GRIK2: variants seen among roughly 807,000 people sequenced by gnomAD.
The protein encoded by GRIK2 is glutamate receptor ionotropic, kainate 2.
GRIK2 carries 32 observed loss-of-function variants against 100.3 expected under a neutral mutation model. The observed-to-expected ratio is 0.32, with a 90% CI of 0.24 to 0.43. The LOEUF is 0.43. Among genes scored for constraint, GRIK2 ranks in the 20% least tolerant of loss-of-function variants. GRIK2 has a pLI of 1.00. For synonymous variants in GRIK2, 417 were observed against 389.4 expected, an observed-to-expected ratio of 1.07 and a Z score of -0.83; for missense variants, 843 against 1,114.9, an observed-to-expected ratio of 0.76 and a Z score of 3.47.
intron 2 of GRIK2, among the ~76,000 whole-genome samples, chr6:101,595,011 T>C (rs1418814072): frequency 6.6e-6 from 1 of 151,612 alleles, no homozygotes; most frequent in African/African-American, 2.4e-5. Context: ...GGCTAAGCTT[T>C]GGAATATACA....
chr6:101,714,573 G>A (rs1583009521), intron 7 of GRIK2, among the ~76,000 whole-genome samples: 1 of 151,592 alleles, frequency 6.6e-6, no homozygotes, highest in South Asian at 2.1e-4. Context: ...TCTCCCTGGA[G>A]GCTCACTTTA....
In GRIK2 at chr6:101,425,573, A is replaced by G. The variant is rs969804489; in HGVS notation, c.115+26181A>G. ...CAAATTTTTACTGTAACTGTATACA[A>G]TGTTATCCTACATTTTTCACTTTGT... On this transcript the variant is annotated intron_variant, in intron 2 of 16. Coordinates refer to ENST00000369134, the MANE Select transcript of GRIK2 (RefSeq NM_021956.5). 3.3e-5 allele frequency among the ~76,000 whole-genome samples: 5 copies of G among 152,234 alleles called. No individual in the cohort carries two copies. The South Asian group carries it at 1.0e-3, about 32-fold the overall frequency.
At chr6:101,402,006 A>C (rs1184327836) in intron 2 of GRIK2, among the ~76,000 whole-genome samples, 1 of 151,510 alleles carries the variant, frequency 6.6e-6, no homozygotes, top group Non-Finnish European at 1.5e-5. Flanking sequence ...CCAGGCGGCC[A>C]CCCCAGCCCC....
intron 2 of GRIK2, among the ~76,000 whole-genome samples, chr6:101,447,393 C>T (rs1337125632): frequency 6.6e-6 from 1 of 151,560 alleles, no homozygotes; most frequent in African/African-American, 2.4e-5. Flanking sequence ...TGGATAACAT[C>T]GGTTTCAAAA....
intron 16 of GRIK2, among the ~76,000 whole-genome samples, chr6:102,058,639 C>G (rs191832110): frequency 6.6e-6 from 1 of 151,432 alleles, no homozygotes; most frequent in Admixed American, 6.6e-5. Context: ...ATTAGCCATA[C>G]GATAGTCCTA....
chr6:101,544,813 A>G lies in GRIK2; in HGVS notation c.116-77136A>G, dbSNP rs558040444. The stretch of plus-strand genomic sequence containing the variant: ...TTAATTAATTTGTTCAAGGTCATCC[A>G]ATAAGGCAGTGGTAGAGGTGAAATT... On this transcript the variant is annotated intron_variant, in intron 2 of 16. Transcript: ENST00000369134. Among the ~76,000 whole-genome samples, 80 of 152,314 alleles carry G rather than the reference A, an allele frequency of 5.3e-4. 1 individual carries two copies. The South Asian group carries it at 0.016, about 31-fold the overall frequency.
intron 14 of GRIK2, 47 bp downstream of exon 14, chr6:101,928,679 C>T (rs754030600): frequency 4.2e-5 from 38 of 912,918 alleles, no homozygotes; most frequent in African/African-American, 1.1e-4. Flanking sequence ...AATGATAGAG[C>T]GCAAACTTCT....
intron 2 of GRIK2, among the ~76,000 whole-genome samples, chr6:101,451,274 T>C (rs1206554919): frequency 1.3e-5 from 2 of 151,724 alleles, no homozygotes; most frequent in Non-Finnish European, 1.5e-5. Flanking sequence ...TGATTTCTGA[T>C]GTGGAAATTA....
At chr6:102,016,862 A>T (rs1192587228) in intron 14 of GRIK2, among the ~76,000 whole-genome samples, 1 of 152,120 alleles carries the variant, frequency 6.6e-6, no homozygotes, top group African/African-American at 2.4e-5. Flanking sequence ...ATAAATGTTA[A>T]AAGCAGCTAT....
intron 2 of GRIK2, among the ~76,000 whole-genome samples, chr6:101,559,519 A>G (rs775993969): frequency 5.3e-5 from 8 of 152,132 alleles, no homozygotes; most frequent in Non-Finnish European, 8.8e-5. Flanking sequence ...GGAGATTACA[A>G]TTATATGTGA....
intron 14 of GRIK2, among the ~76,000 whole-genome samples, chr6:101,953,048 A>C (rs2128479884): frequency 6.6e-6 from 1 of 152,320 alleles, no homozygotes; most frequent in Admixed American, 6.5e-5. Flanking sequence ...TATAGAATAA[A>C]TGCTCTTTGG....
intron 12 of GRIK2, among the ~76,000 whole-genome samples, chr6:101,914,009 A>C (rs2128466687): frequency 6.6e-6 from 1 of 151,640 alleles, no homozygotes; most frequent in East Asian, 1.9e-4. Flanking sequence ...AATAGTCATA[A>C]ATAGAAAAGA....
At chr6:101,473,445 T>C (rs927224634) in intron 2 of GRIK2, among the ~76,000 whole-genome samples, 3 of 151,850 alleles carry the variant, frequency 2.0e-5, no homozygotes, top group African/African-American at 7.2e-5. Flanking sequence ...TTGAACAATA[T>C]AAATAATAGT....
At chr6:101,706,852 G>A (rs1773338009) in intron 7 of GRIK2, among the ~76,000 whole-genome samples, 1 of 151,924 alleles carries the variant, frequency 6.6e-6, no homozygotes, top group Admixed American at 6.6e-5. Flanking sequence ...AGTGGTGTAT[G>A]CAAAGGTGCA....
intron 11 of GRIK2, among the ~76,000 whole-genome samples, chr6:101,880,406 T>C (rs1054370839): frequency 6.6e-6 from 1 of 152,054 alleles, no homozygotes; most frequent in African/African-American, 2.4e-5. Flanking sequence ...ATATAATTTA[T>C]TGTGTTCTTA....
chr6:102,061,190 C>T (rs980635092), intron 16 of GRIK2, among the ~76,000 whole-genome samples: 2 of 150,484 alleles, frequency 1.3e-5, no homozygotes, highest in Non-Finnish European at 1.5e-5. Flanking sequence ...ATAACCCATA[C>T]TCTTTGTATC....
At position 101,436,977 on chromosome 6, in the gene GRIK2, T is replaced by C. The variant is rs1769754229; in HGVS notation, c.115+37585T>C. 2.0e-5 allele frequency among the ~76,000 whole-genome samples: 3 copies of C among 151,216 alleles called. 1 individual carries two copies. The highest frequency in any genetic ancestry group is 4.1e-4 in the South Asian group (2 of 4,832). The stretch of plus-strand genomic sequence containing the variant: ...GAGATCTTGATCTAGTTTACAGTTA[T>C]GTATTGCATGAATTTTAAAAATAAT... On this transcript the variant is annotated intron_variant, in intron 2 of 16. Transcript: ENST00000369134.
At chr6:101,461,909 T>C (rs1771326695) in intron 2 of GRIK2, among the ~76,000 whole-genome samples, 1 of 152,164 alleles carries the variant, frequency 6.6e-6, no homozygotes, top group Non-Finnish European at 1.5e-5. Context: ...AACCAGCATG[T>C]TGGAGTGTTA....
At chr6:101,793,862 C>G (rs1780082186) in intron 7 of GRIK2, among the ~76,000 whole-genome samples, 1 of 152,272 alleles carries the variant, frequency 6.6e-6, no homozygotes, top group East Asian at 1.9e-4. Context: ...GTGGGCTCCA[C>G]CCAGTTCAAG....
Sources: gnomAD v4.1 joint callset for allele counts (sites outside exome capture counted in the v4.1 genomes callset) on GRCh38, gnomAD v4.1.1 for gene constraint, MANE v1.5 for transcripts, NCBI Gene and HGNC (gene_info 2026-07-23, HGNC 2026-07-21) for gene names.